SLC39A6: variants seen among roughly 807,000 people sequenced by gnomAD.
SLC39A6 encodes the protein solute carrier family 39 member 6, also known as zinc transporter ZIP6.
In SLC39A6, 51 loss-of-function variants were observed where a neutral mutation model predicts 63.5. The ratio of observed to expected loss-of-function variants is 0.80; its 90% CI spans 0.64 to 1.01. SLC39A6 has a LOEUF of 1.01. Among genes scored for constraint, SLC39A6 ranks in the 50% least tolerant of loss-of-function variants. The pLI is 0.00. For synonymous variants in SLC39A6, 318 were observed against 324.7 expected (o/e 0.98, Z 0.22); for missense variants, 805 against 927.8 (o/e 0.87, Z 1.72).
chr18:36,123,994 C>T (rs2089415146), intron 3 of SLC39A6, among the ~76,000 whole-genome samples: 3 of 151,516 alleles, frequency 2.0e-5, no homozygotes, highest in South Asian at 4.2e-4. Context: ...TTTCAGACTC[C>T]CATAAGAGCT....
At chr18:36,116,556 A>G in intron 6 of SLC39A6, 118 bp downstream of exon 6, 1 of 676,770 alleles carries the variant, frequency 1.5e-6, no homozygotes, top group East Asian at 2.7e-5. Flanking sequence ...AAAGTATGAG[A>G]TACTGCAAAA....
At chr18:36,109,844 T>C in intron 9 of SLC39A6, 99 bp from the exon 10 acceptor site, 1 of 889,952 alleles carries the variant, frequency 1.1e-6, no homozygotes, top group Non-Finnish European at 1.8e-6. Flanking sequence ...CTAGCTTTAT[T>C]TGTAGCTAGA....
chr18:36,124,707 G>A lies in SLC39A6; in HGVS notation c.790-7C>T. On this transcript the variant is annotated splice_polypyrimidine_tract_variant and splice_region_variant and intron_variant, in intron 2 of 9. Coordinates refer to ENST00000269187, the MANE Select transcript of SLC39A6 (RefSeq NM_012319.4). ...GCTTTGATGCATTGAAACACTGAAAGAAACAAAGCAGTGAAAATCACCAAA... is the reference window on the plus strand; with the variant it reads ...GCTTTGATGCATTGAAACACTGAAAAAAACAAAGCAGTGAAAATCACCAAA... 1 of 1,525,810 alleles carries A rather than the reference G, an allele frequency of 6.6e-7. No homozygotes were observed. The highest frequency in any genetic ancestry group is 9.0e-7 in the Non-Finnish European group (1 of 1,116,604). 94.5% of individuals were successfully genotyped at this position (1,525,810 alleles called of 1,614,324 possible).
intron 2 of SLC39A6, 53 bp from the exon 3 acceptor site, chr18:36,124,753 T>C: frequency 7.5e-7 from 1 of 1,335,714 alleles, no homozygotes; most frequent in Non-Finnish European, 1.0e-6. Flanking sequence ...ATTAGAGTAG[T>C]CTGATGACAC....
intron 2 of SLC39A6, 106 bp from the exon 3 acceptor site, chr18:36,124,806 T>C: frequency 1.1e-6 from 1 of 929,446 alleles, no homozygotes; most frequent in Non-Finnish European, 1.5e-6. Context: ...CTCGAGTTAA[T>C]GAAAATTAAA....
At position 36,116,708 on chromosome 18, in the gene SLC39A6, A is replaced by T. The variant is rs759679275; in HGVS notation, c.1431T>A (p.Leu477=). 6.2e-7 allele frequency: 1 copy of T among 1,612,970 alleles called. No homozygotes were observed. The highest frequency in any genetic ancestry group is 8.5e-7 in the Non-Finnish European group (1 of 1,179,324). The change falls in exon 6 of 10, where the codon CTT becomes CTA. Residue 477 remains leucine, a synonymous_variant. Coordinates refer to ENST00000269187, the MANE Select transcript of SLC39A6 (RefSeq NM_012319.4). ...TATCTACTTTCTCCTCATTTGTTGAAAGTTGAGATTCATACTTGGACAACT... is the reference window on the plus strand; with the variant it reads ...TATCTACTTTCTCCTCATTTGTTGATAGTTGAGATTCATACTTGGACAACT... ...KKQLSKYESQ[L]STNEEKVDTD... is the part of the protein sequence containing the mutation.
intron 5 of SLC39A6, among the ~76,000 whole-genome samples, chr18:36,119,864 A>T (rs2089377286): frequency 6.6e-6 from 1 of 152,112 alleles, no homozygotes; most frequent in Non-Finnish European, 1.5e-5. Context: ...TGGGCAACAG[A>T]GGAAGATGCT....
intron 5 of SLC39A6, among the ~76,000 whole-genome samples, chr18:36,119,238 C>T (rs1305185991): frequency 6.6e-6 from 1 of 152,040 alleles, no homozygotes; most frequent in African/African-American, 2.4e-5. Context: ...TATCTGGATG[C>T]CTTTAACAAA....
At chr18:36,119,619 T>G (rs2089375077) in intron 5 of SLC39A6, among the ~76,000 whole-genome samples, 2 of 152,116 alleles carry the variant, frequency 1.3e-5, no homozygotes, top group African/African-American at 2.4e-5. Context: ...TCACTAACAA[T>G]CTAGAGTTAT....
In SLC39A6 at chr18:36,124,585, G is replaced by C. The variant is rs760381192; in HGVS notation, c.905C>G (p.Ser302Cys). ...PAIINQIDAR[S>C]CLIHTSEKKA... ...CTTTTCACTTGTATGAATCAGACAA[G>C]ATCTAGCATCAATTTGGTTGATGAT... The change falls in exon 3 of 10, where the codon TCT (serine) becomes TGT (cysteine). Residue 302 changes from serine (S) to cysteine (C), a missense_variant. By Grantham distance (112) the Ser-to-Cys change is moderately radical. Around this residue, in one of 4 missense-constraint regions of SLC39A6, gnomAD observed 639 missense variants for 644.0 expected, o/e 0.99. Coordinates refer to ENST00000269187, the MANE Select transcript of SLC39A6 (RefSeq NM_012319.4). 1.3e-6 allele frequency: 2 copies of C among 1,592,590 alleles called. No individual in the cohort carries two copies. The highest frequency in any genetic ancestry group is 8.6e-7 in the Non-Finnish European group (1 of 1,162,960).
In SLC39A6 at chr18:36,114,182, C is replaced by T. The variant is rs2089324217; in HGVS notation, c.1758G>A (p.Glu586=). 1 of 1,614,178 alleles carries T rather than the reference C, an allele frequency of 6.2e-7. No homozygotes were observed. ...HSHSQRYSRE[E]LKDAGVATLA... ...GAGTGGCGACGCCGGCATCTTTCAGCTCCTCCCGAGAGTAGCGCTGGCTGT... is the reference window on the plus strand; with the variant it reads ...GAGTGGCGACGCCGGCATCTTTCAGTTCCTCCCGAGAGTAGCGCTGGCTGT... Residue 586 remains glutamate, a synonymous_variant, in exon 7 of 10, where the codon GAG becomes GAA. Coordinates refer to ENST00000269187, the MANE Select transcript of SLC39A6 (RefSeq NM_012319.4).
At position 36,111,181 on chromosome 18, in the gene SLC39A6, C is replaced by CG; in HGVS notation, c.1992_1993insC (p.Ala665ArgfsTer19). On this transcript the variant is annotated frameshift_variant, in exon 9 of 10. Coordinates refer to ENST00000269187, the MANE Select transcript of SLC39A6 (RefSeq NM_012319.4). LOFTEE classifies it high-confidence loss of function. ...GCCATTCCAAGATACGCCAGCATGG[C>CG]TGACAATGCATTATAAAGGACAGCC... is the stretch of plus-strand genomic sequence containing the variant. The CG allele has an allele frequency of 6.2e-7, 1 of 1,614,148 alleles. No individual in the cohort carries two copies. Among genetic ancestry groups the CG allele is most frequent in the Non-Finnish European group, 8.5e-7 (1 of 1,179,966 alleles).
intron 7 of SLC39A6, among the ~76,000 whole-genome samples, chr18:36,112,904 G>A (rs1170452596): frequency 6.6e-6 from 1 of 152,132 alleles, no homozygotes; most frequent in East Asian, 1.9e-4. Context: ...CTGTTTAAAA[G>A]GTTTAGGAAA....
chr18:36,116,867 C>A, intron 5 of SLC39A6, 88 bp from the exon 6 acceptor site: 1 of 805,392 alleles, frequency 1.2e-6, no homozygotes, highest in South Asian at 1.6e-5. Context: ...GCAAAACACA[C>A]AGAATGCCCC....
intron 8 of SLC39A6, among the ~76,000 whole-genome samples, chr18:36,111,480 T>A (rs1003335965): frequency 9.0e-6 from 1 of 111,472 alleles, no homozygotes; most frequent in East Asian, 2.3e-4. Flanking sequence ...ATGTACAAAC[T>A]TTTTTTTTTT....
Position 36,114,078 on chromosome 18 carries a change from C to T in SLC39A6, c.1843+19G>A, listed in dbSNP as rs2089323270. On this transcript the variant is annotated intron_variant, in intron 7 of 9. Coordinates refer to ENST00000269187, the MANE Select transcript of SLC39A6 (RefSeq NM_012319.4). ...ATTTTCAGAATCAATCAACAAGGAA[C>T]AAATATGTAGATATATACCAATTGC... 6.5e-7 allele frequency: 1 copy of T among 1,542,802 alleles called. No homozygotes were observed. The highest frequency in any genetic ancestry group is 2.0e-5 in the Admixed American group (1 of 49,290).
intron 4 of SLC39A6, among the ~76,000 whole-genome samples, 190 bp downstream of exon 4, chr18:36,123,305 G>C (rs1027127423): frequency 6.6e-6 from 1 of 152,134 alleles, no homozygotes; most frequent in African/African-American, 2.4e-5. Flanking sequence ...TTTGTAAAAG[G>C]AAAGCAAAAT....
In SLC39A6 at chr18:36,123,519, A is replaced by G; in HGVS notation, c.1116T>C (p.Asp372=). 6.2e-7 allele frequency: 1 copy of G among 1,612,240 alleles called. No homozygotes were observed. The highest frequency in any genetic ancestry group is 1.7e-5 in the Admixed American group (1 of 59,426). The change falls in exon 4 of 10, where the codon GAT becomes GAC. Residue 372 remains aspartate, a synonymous_variant. Coordinates refer to ENST00000269187, the MANE Select transcript of SLC39A6 (RefSeq NM_012319.4). ...VALAVGTLSG[D]AFLHLLPHSH... ...CATGTGGAAGAAGGTGTAAAAAAGC[A>G]TCACCACTCAAAGTCCCAACGGCCA...
At position 36,126,209 on chromosome 18, in the gene SLC39A6, CT is replaced by C; in HGVS notation, c.789+9del. The C allele has an allele frequency of 1.2e-6, 2 of 1,610,154 alleles. No individual in the cohort carries two copies. The highest frequency in any genetic ancestry group is 1.7e-6 in the Non-Finnish European group (2 of 1,177,344). On this transcript the variant is annotated intron_variant, in intron 2 of 9. Coordinates refer to ENST00000269187, the MANE Select transcript of SLC39A6 (RefSeq NM_012319.4). ...AGGTATATTAAAATAATGAACAGCA[CT>C]CATCTTACCTCCTGAGGATTTTCAT...
Sources: allele counts gnomAD v4.1 joint callset (sites outside exome capture counted in the v4.1 genomes callset), GRCh38; gene constraint gnomAD v4.1.1; regional missense constraint gnomAD v4.1.1; transcripts MANE v1.5; gene names NCBI Gene and HGNC (gene_info 2026-07-23, HGNC 2026-07-21).